Variants in SEC11C observed in about 807,000 individuals in gnomAD.
SEC11C encodes SEC11 homolog C, signal peptidase complex subunit.
A neutral mutation model predicts 21.9 loss-of-function variants in SEC11C; 10 were observed. The ratio of observed to expected loss-of-function variants is 0.46; its 90% confidence interval spans 0.28 to 0.77. The LOEUF (loss-of-function observed/expected upper bound fraction) is 0.77. Among genes scored for constraint, SEC11C ranks in the 30% least tolerant of loss-of-function variants. The pLI, the probability that SEC11C is intolerant of heterozygous loss-of-function variation, is 0.12. For missense variants in SEC11C, 145 were observed against 244.5 expected (o/e 0.59, Z 2.71); for synonymous variants, 83 against 85.6 (o/e 0.97, Z 0.17).
Position 59,155,821 on chromosome 18 carries a change from T to C in SEC11C, c.467+14T>C. ...AAGAGCAAGAGGGTGAGGATTCACC[T>C]TTAAGTTATATAGAAGGTTATGAAA... On this transcript the variant is annotated intron_variant, in intron 4 of 5. Coordinates refer to ENST00000587834, the MANE Select transcript of SEC11C (RefSeq NM_033280.4). 1.2e-6 allele frequency: 2 copies of C among 1,612,634 alleles called. No individual in the cohort carries two copies. The highest frequency in any genetic ancestry group is 1.7e-6 in the Non-Finnish European group (2 of 1,179,488).
At chr18:59,142,931 G>T (rs2069228242) in intron 1 of SEC11C, among the ~76,000 whole-genome samples, 1 of 152,164 alleles carries the variant, frequency 6.6e-6, no homozygotes, top group Non-Finnish European at 1.5e-5. Flanking sequence ...AGAAGCAATG[G>T]TTTAACATAT....
intron 2 of SEC11C, 86 bp from the exon 3 acceptor site, chr18:59,152,450 C>A (rs1555658466): frequency 6.4e-6 from 9 of 1,405,716 alleles, no homozygotes; most frequent in Non-Finnish European, 8.5e-6. Flanking sequence ...ACCTACTTGA[C>A]TATTGAGTTT....
At chr18:59,145,936 T>C (rs943451404) in intron 1 of SEC11C, among the ~76,000 whole-genome samples, 1 of 152,242 alleles carries the variant, frequency 6.6e-6, no homozygotes, top group Non-Finnish European at 1.5e-5. Context: ...CTTAGGGGTA[T>C]AGTAAGCGAC....
chr18:59,154,604 C>G (rs2069398195), intron 3 of SEC11C, among the ~76,000 whole-genome samples: 1 of 152,140 alleles, frequency 6.6e-6, no homozygotes, highest in South Asian at 2.1e-4. Flanking sequence ...CTACCGTGGT[C>G]AGTGGTGAAG....
chr18:59,145,457 G>A lies in SEC11C; in HGVS notation c.88-4056G>A, dbSNP rs547001643. Among the ~76,000 whole-genome samples, 3 of 152,354 alleles carry A rather than the reference G, an allele frequency of 2.0e-5. No homozygotes were observed. In the South Asian group the frequency reaches 6.2e-4, roughly 32 times the overall value. On this transcript the variant is annotated intron_variant, in intron 1 of 5. Coordinates refer to ENST00000587834, the MANE Select transcript of SEC11C (RefSeq NM_033280.4). ...TAAAGGTGAGTGTTTGGTAAACTAA[G>A]GGGTTCAGGGAGGGAGCCTTCTGGG...
intron 1 of SEC11C, 94 bp from the exon 2 acceptor site, chr18:59,149,419 C>T: frequency 1.3e-6 from 1 of 780,052 alleles, no homozygotes; most frequent in Non-Finnish European, 2.2e-6. Context: ...AAAATCATGT[C>T]TTTGAAAAAG....
chr18:59,148,302 C>T (rs2069302653), intron 1 of SEC11C, among the ~76,000 whole-genome samples: 1 of 152,216 alleles, frequency 6.6e-6, no homozygotes, highest in African/African-American at 2.4e-5. Flanking sequence ...GTGCTAGCCA[C>T]AGCAGCGTTA....
At position 59,158,543 on chromosome 18, in the gene SEC11C, C is replaced by T. The variant is rs1359380941; in HGVS notation, c.526-89C>T. Reference sequence around the variant, plus strand: ...TAATCTTTTGATTCTGTCCTCAGCGCAGTATTTAACGGACTTCATCTGAAT... The same window carrying T: ...TAATCTTTTGATTCTGTCCTCAGCGTAGTATTTAACGGACTTCATCTGAAT... On this transcript the variant is annotated intron_variant, in intron 5 of 5. Transcript: ENST00000587834. 3.1e-6 allele frequency: 3 copies of T among 963,798 alleles called. No individual in the cohort carries two copies. In the African/African-American group the frequency reaches 4.8e-5, roughly 16 times the overall value. The allele number at this position is 963,798 out of a possible 1,614,324, so 59.7% of individuals were successfully genotyped here.
chr18:59,147,455 G>A (rs2069289780), intron 1 of SEC11C: 2 of 152,206 alleles, frequency 1.3e-5, no homozygotes. Flanking sequence ...AGCAAGGAGA[G>A]TTTAGAAGTT....
chr18:59,152,860 C>A, intron 3 of SEC11C, 175 bp downstream of exon 3: 1 of 500,438 alleles, frequency 2.0e-6, no homozygotes, highest in Admixed American at 3.8e-5. Flanking sequence ...AGTAGTTAAA[C>A]CCATAGTAAC....
chr18:59,145,637 C>G (rs2069265604), intron 1 of SEC11C, among the ~76,000 whole-genome samples: 1 of 152,186 alleles, frequency 6.6e-6, no homozygotes, highest in South Asian at 2.1e-4. Flanking sequence ...AGTCTTCATC[C>G]TCAGAGTAGT....
chr18:59,146,872 C>T (rs2069282333), intron 1 of SEC11C: 1 of 152,276 alleles, frequency 6.6e-6, no homozygotes, highest in African/African-American at 2.4e-5. Flanking sequence ...CCCAGTGATC[C>T]AGCTGGTCTG....
chr18:59,155,702 T>C lies in SEC11C; in HGVS notation c.362T>C (p.Ile121Thr), dbSNP rs1195473362. Residue 121 changes from isoleucine to threonine, a missense_variant, in exon 4 of 6, where the codon ATC becomes ACC. Ile to Thr is a moderately conservative substitution (Grantham distance 89). Transcript: ENST00000587834. ...TTGCTTTCCAGAGATAATGGAGACA[T>C]CAAATTTCTGACTAAAGGAGATAAT... ...IKVHEKDNGD[I>T]KFLTKGDNNE... 1 of 1,613,424 alleles carries C rather than the reference T, an allele frequency of 6.2e-7. No homozygotes were observed. Among genetic ancestry groups the C allele is most frequent in the Non-Finnish European group, 8.5e-7 (1 of 1,179,722 alleles).
chr18:59,155,651 A>G lies in SEC11C; in HGVS notation c.348-37A>G. ...TATTTTTGTTAATGATGCTGTGCTG[A>G]AAATAATTTTTGAGAAGACATTATT... On this transcript the variant is annotated intron_variant, in intron 3 of 5. Coordinates refer to ENST00000587834, the MANE Select transcript of SEC11C (RefSeq NM_033280.4). 3 of 1,600,838 alleles carry G rather than the reference A, an allele frequency of 1.9e-6. 1 individual carries two copies. In the South Asian group the frequency reaches 3.4e-5, roughly 18 times the overall value.
In SEC11C at chr18:59,150,530, C is replaced by T. The variant is rs143090590; in HGVS notation, c.197+908C>T. On this transcript the variant is annotated intron_variant, in intron 2 of 5. Transcript: ENST00000587834. ...AGCCTGAGGACAGCCTAGCTCACAG[C>T]AGAGCTGTGGGACCTCCGACCCACT... is the stretch of plus-strand genomic sequence containing the variant. Among the ~76,000 whole-genome samples, 24 of 152,348 alleles carry T rather than the reference C, an allele frequency of 1.6e-4. No homozygotes were observed. In the East Asian group the frequency reaches 4.6e-3, roughly 29 times the overall value.
chr18:59,156,038 AAAAT>A, intron 4 of SEC11C: 1 of 400,282 alleles, frequency 2.5e-6, no homozygotes, highest in Non-Finnish European at 4.4e-6. Flanking sequence ...AATCTGTTTC[AAAAT>A]AAATCCAGCC....
At chr18:59,141,043 C>T (rs2069204247) in intron 1 of SEC11C, among the ~76,000 whole-genome samples, 1 of 152,084 alleles carries the variant, frequency 6.6e-6, no homozygotes, top group African/African-American at 2.4e-5. Flanking sequence ...TATTAATCCT[C>T]ATTATTTTGA....
intron 5 of SEC11C, among the ~76,000 whole-genome samples, chr18:59,158,352 T>TA (rs78257464): frequency 6.6e-6 from 1 of 152,246 alleles, no homozygotes; most frequent in Non-Finnish European, 1.5e-5. Flanking sequence ...CCATATTTTT[T>TA]AAAAAAATCA....
rs1227362152 is a variant in SEC11C, at chr18:59,158,667, A to G, written c.561A>G (p.Leu187=). Residue 187 remains leucine, a synonymous_variant, in exon 6 of 6, where the codon TTA becomes TTG. Transcript: ENST00000587834. ...ALLAVMGAYV[L]LKRES is the part of the protein sequence containing the mutation. ...TGGCTGTAATGGGTGCATATGTGTT[A>G]CTAAAACGTGAATCCTAAAATGAGA... The G allele has an allele frequency of 8.1e-6, 13 of 1,613,660 alleles. No homozygotes were observed. Among genetic ancestry groups the G allele is most frequent in the Non-Finnish European group, 1.0e-5 (12 of 1,179,712 alleles).
Sources: allele counts gnomAD v4.1 joint callset (sites outside exome capture counted in the v4.1 genomes callset), GRCh38; gene constraint gnomAD v4.1.1; transcripts MANE v1.5; gene names NCBI Gene and HGNC (gene_info 2026-07-23, HGNC 2026-07-21).